The following C12orf75 variants were observed in gnomAD, a reference collection of about 807,000 sequenced individuals.
The protein encoded by C12orf75 is overexpressed in colon carcinoma 1 protein.
C12orf75 carries 4 observed loss-of-function variants against 11.4 expected under a neutral mutation model. That is an observed-to-expected ratio of 0.35 (90% CI 0.17 to 0.80). C12orf75 has a LOEUF of 0.80. Among genes scored for constraint, C12orf75 ranks in the 30% least tolerant of loss-of-function variants. The pLI is 0.52. For synonymous variants in C12orf75, 30 were observed against 30.0 expected, an observed-to-expected ratio of 1.00 and a Z score of 0.00; for missense variants, 89 against 80.4, an observed-to-expected ratio of 1.11 and a Z score of -0.41.
intron 2 of C12orf75, among the ~76,000 whole-genome samples, chr12:105,356,209 T>G (rs1892778755): frequency 6.6e-6 from 1 of 152,200 alleles, no homozygotes; most frequent in Non-Finnish European, 1.5e-5. Flanking sequence ...AAACATGTTA[T>G]AAAGAAAATT....
At chr12:105,363,949 T>C (rs1476560284) in intron 2 of C12orf75, among the ~76,000 whole-genome samples, 1 of 152,246 alleles carries the variant, frequency 6.6e-6, no homozygotes, top group East Asian at 1.9e-4. Flanking sequence ...AGTAAATGAC[T>C]ATTTTCTTAC....
intron 2 of C12orf75, among the ~76,000 whole-genome samples, chr12:105,349,122 C>T (rs752975239): frequency 2.0e-5 from 3 of 152,186 alleles, no homozygotes; most frequent in Non-Finnish European, 4.4e-5. Context: ...GAGCACAGGG[C>T]ATTTAATAAT....
intron 3 of C12orf75, 94 bp from the exon 4 acceptor site, chr12:105,366,523 A>AATAATTAT (rs1474266784): frequency 1.9e-6 from 1 of 518,554 alleles, no homozygotes; most frequent in African/African-American, 2.0e-5. Flanking sequence ...GAGTTATTTT[A>AATAATTAT]ATAATTATAT....
At chr12:105,345,357 G>C (rs1459968923) in intron 1 of C12orf75, among the ~76,000 whole-genome samples, 1 of 151,904 alleles carries the variant, frequency 6.6e-6, no homozygotes, top group African/African-American at 2.4e-5. Context: ...AGGCGTGGTG[G>C]TGCACGCCTG....
chr12:105,366,765 A>T (rs1871484343), intron 4 of C12orf75, 69 bp downstream of exon 4: 2 of 944,436 alleles, frequency 2.1e-6, no homozygotes, highest in Non-Finnish European at 3.3e-6. Context: ...AAAGCATGAA[A>T]TTTATATTTC....
intron 2 of C12orf75, among the ~76,000 whole-genome samples, chr12:105,357,805 TGTGA>T (rs1420230722): frequency 1.1e-3 from 158 of 142,736 alleles, no homozygotes; most frequent in African/African-American, 4.0e-3. Flanking sequence ...TGTGTGTGTG[TGTGA>T]GAGAGAGAGA....
At position 105,365,715 on chromosome 12, in the gene C12orf75, T is replaced by G. The variant is rs1260407323; in HGVS notation, c.72-92T>G. ...TGGAAACATTTGAAATAAAATTGACTTCAACTCAGTAGTCCCTTTTTCTCA... is the reference window on the plus strand; with the variant it reads ...TGGAAACATTTGAAATAAAATTGACGTCAACTCAGTAGTCCCTTTTTCTCA... On this transcript the variant is annotated intron_variant, in intron 2 of 5. Transcript: ENST00000443585. 3.7e-6 allele frequency: 3 copies of G among 817,492 alleles called. No homozygotes were observed. In the African/African-American group the frequency reaches 5.1e-5, roughly 14 times the overall value. 50.6% of individuals were successfully genotyped at this position (817,492 alleles called of 1,614,324 possible).
intron 2 of C12orf75, among the ~76,000 whole-genome samples, chr12:105,362,152 C>T (rs1388501607): frequency 3.3e-5 from 5 of 151,676 alleles, no homozygotes; most frequent in African/African-American, 1.2e-4. Context: ...TTTGGGAGGC[C>T]GAGGCGGGCG....
At chr12:105,352,231 C>T (rs1198443402) in intron 2 of C12orf75, among the ~76,000 whole-genome samples, 1 of 152,044 alleles carries the variant, frequency 6.6e-6, no homozygotes, top group Admixed American at 6.5e-5. Flanking sequence ...TCATGATGGC[C>T]ACATTGGTCA....
Position 105,333,088 on chromosome 12 carries a change from C to G in C12orf75, c.46+2151C>G, listed in dbSNP as rs952122163. On this transcript the variant is annotated intron_variant, in intron 1 of 5. Transcript: ENST00000443585. Reference sequence around the variant, plus strand: ...GAGAGAAGGATATTGAGTGCAGATTCAAAACATGCAGGAGACAACATGATG... The same window carrying G: ...GAGAGAAGGATATTGAGTGCAGATTGAAAACATGCAGGAGACAACATGATG... Among the ~76,000 whole-genome samples the G allele has an allele frequency of 2.0e-5, 3 of 152,158 alleles. No homozygotes were observed. The East Asian group carries it at 5.8e-4, about 29-fold the overall frequency.
At chr12:105,340,419 C>T (rs1057093832) in intron 1 of C12orf75, among the ~76,000 whole-genome samples, 5 of 120,224 alleles carry the variant, frequency 4.2e-5, no homozygotes, top group Admixed American at 1.9e-4. Flanking sequence ...AGTGAGACTC[C>T]GTGCCCCCGC....
chr12:105,340,889 G>A (rs1307280869), intron 1 of C12orf75, among the ~76,000 whole-genome samples: 1 of 152,180 alleles, frequency 6.6e-6, no homozygotes, highest in Admixed American at 6.5e-5. Context: ...GGGGCCACAA[G>A]CCAAGGAATG....
chr12:105,335,404 A>G lies in C12orf75; in HGVS notation c.46+4467A>G, dbSNP rs536334731. On this transcript the variant is annotated intron_variant, in intron 1 of 5. Coordinates refer to ENST00000443585, the MANE Select transcript of C12orf75 (RefSeq NM_001145199.2). Reference sequence around the variant, plus strand: ...GATTTGTGGGGGAAATAATGTAAAAATAATACAAAATTTTGTTGATATCAT... The same window carrying G: ...GATTTGTGGGGGAAATAATGTAAAAGTAATACAAAATTTTGTTGATATCAT... Among the ~76,000 whole-genome samples, 5 of 152,360 alleles carry G rather than the reference A, an allele frequency of 3.3e-5. No individual in the cohort carries two copies. The East Asian group carries it at 9.6e-4, about 29-fold the overall frequency.
At chr12:105,357,778 CTGTGTGTG>C (rs67643973) in intron 2 of C12orf75, among the ~76,000 whole-genome samples, 6 of 137,338 alleles carry the variant, frequency 4.4e-5, no homozygotes, top group East Asian at 2.1e-4. Flanking sequence ...AATGTATTTT[CTGTGTGTG>C]TGTGTGTGTG....
chr12:105,364,882 C>G (rs1871418949), intron 2 of C12orf75, among the ~76,000 whole-genome samples: 1 of 142,810 alleles, frequency 7.0e-6, no homozygotes, highest in African/African-American at 2.6e-5. Flanking sequence ...CCCTCTGTTG[C>G]CCAAGCTGGA....
chr12:105,362,041 G>T (rs1398137224), intron 2 of C12orf75, among the ~76,000 whole-genome samples: 2 of 152,190 alleles, frequency 1.3e-5, no homozygotes, highest in African/African-American at 4.8e-5. Context: ...AAACAGACTA[G>T]GACTCTTCTA....
At chr12:105,349,408 C>T (rs571849711) in intron 2 of C12orf75, among the ~76,000 whole-genome samples, 32 of 152,278 alleles carry the variant, frequency 2.1e-4, no homozygotes, top group Admixed American at 9.1e-4. Flanking sequence ...GCCATCCAAA[C>T]GGGTCTAGTT....
At chr12:105,346,402 T>C (rs1275153145) in intron 1 of C12orf75, among the ~76,000 whole-genome samples, 6 of 152,210 alleles carry the variant, frequency 3.9e-5, no homozygotes, top group Non-Finnish European at 7.4e-5. Flanking sequence ...TTCTTCTAGA[T>C]TCTCATGCTT....
At chr12:105,333,190 C>T (rs1892458410) in intron 1 of C12orf75, among the ~76,000 whole-genome samples, 1 of 152,176 alleles carries the variant, frequency 6.6e-6, no homozygotes, top group South Asian at 2.1e-4. Context: ...ATTTGCCTGC[C>T]TGTGAGTCCA....
Sources: gnomAD v4.1 joint callset for allele counts (sites outside exome capture counted in the v4.1 genomes callset) on GRCh38, gnomAD v4.1.1 for gene constraint, MANE v1.5 for transcripts, NCBI Gene and HGNC (gene_info 2026-07-23, HGNC 2026-07-21) for gene names.